Variants in ANGPT4 observed in about 807,000 individuals in gnomAD.
ANGPT4 encodes angiopoietin-4.
A neutral mutation model predicts 53.0 loss-of-function variants in ANGPT4; 50 were observed. The ratio of observed to expected loss-of-function variants is 0.94; its 90% confidence interval spans 0.75 to 1.20. The LOEUF (loss-of-function observed/expected upper bound fraction) is 1.20. Ranked by LOEUF, ANGPT4 falls within the 50% of genes most tolerant of loss-of-function variation. ANGPT4 has a pLI of 0.00. For synonymous variants in ANGPT4, 251 were observed against 259.7 expected, an observed-to-expected ratio of 0.97 and a Z score of 0.32; for missense variants, 648 against 637.1, an observed-to-expected ratio of 1.02 and a Z score of -0.18.
chr20:901,494 G>A (rs570849528), intron 1 of ANGPT4, among the ~76,000 whole-genome samples: 2 of 152,072 alleles, frequency 1.3e-5, no homozygotes, highest in African/African-American at 2.4e-5. Context: ...ATCTCCCTTT[G>A]CTGACTCCTT....
intron 1 of ANGPT4, among the ~76,000 whole-genome samples, chr20:901,782 G>T (rs895850983): frequency 5.3e-5 from 8 of 152,212 alleles, no homozygotes; most frequent in Non-Finnish European, 1.0e-4. Flanking sequence ...GAAGGTGGTG[G>T]TGCATGCCTC....
At chr20:912,808 G>C (rs1982757973) in intron 1 of ANGPT4, among the ~76,000 whole-genome samples, 2 of 152,164 alleles carry the variant, frequency 1.3e-5, no homozygotes, top group African/African-American at 4.8e-5. Context: ...TGGAAACTCT[G>C]CAGTAGAAGG....
chr20:896,128 A>T (rs1161593744), intron 1 of ANGPT4, among the ~76,000 whole-genome samples: 3 of 152,160 alleles, frequency 2.0e-5, no homozygotes, highest in Non-Finnish European at 2.9e-5. Flanking sequence ...CATTAAATAG[A>T]TCTCCTCCAG....
At chr20:902,971 A>T (rs1982342721) in intron 1 of ANGPT4, among the ~76,000 whole-genome samples, 1 of 152,214 alleles carries the variant, frequency 6.6e-6, no homozygotes, top group Non-Finnish European at 1.5e-5. Flanking sequence ...GAGGTCACCC[A>T]TCAAGTTGCA....
At chr20:878,397 G>T (rs1981259266) in intron 6 of ANGPT4, 70 bp from the exon 7 acceptor site, 1 of 1,469,354 alleles carries the variant, frequency 6.8e-7, no homozygotes. Context: ...GAGGAGCTGG[G>T]CTGGGCCAGG....
chr20:882,304 A>T (rs1359931185), intron 4 of ANGPT4, among the ~76,000 whole-genome samples: 2 of 152,154 alleles, frequency 1.3e-5, no homozygotes, highest in Non-Finnish European at 2.9e-5. Flanking sequence ...ATCCAGTTAG[A>T]GGTTTGAACT....
chr20:912,743 C>T (rs910960196), intron 1 of ANGPT4, among the ~76,000 whole-genome samples: 59 of 152,096 alleles, frequency 3.9e-4, no homozygotes, highest in African/African-American at 1.3e-3. Flanking sequence ...CTGATGAGCA[C>T]TGGCAGTAGG....
At position 913,564 on chromosome 20, in the gene ANGPT4, G is replaced by A. The variant is rs116237110; in HGVS notation, c.309+2342C>T. Among the ~76,000 whole-genome samples the A allele has an allele frequency of 4.6e-3, 700 of 152,282 alleles. 4 individuals are homozygous for A. Among genetic ancestry groups the A allele is most frequent in the African/African-American group, 0.016 (651 of 41,544 alleles). On this transcript the variant is annotated intron_variant, in intron 1 of 8. Coordinates refer to ENST00000381922, the MANE Select transcript of ANGPT4 (RefSeq NM_015985.4). ...AGAGGACATTCCACCCCAAGCTGAGGCACTGGACCAGGTGACCTTCTGATC... is the reference window on the plus strand; with the variant it reads ...AGAGGACATTCCACCCCAAGCTGAGACACTGGACCAGGTGACCTTCTGATC...
At chr20:878,450 G>A in intron 6 of ANGPT4, 123 bp from the exon 7 acceptor site, 1 of 963,266 alleles carries the variant, frequency 1.0e-6, no homozygotes, top group Non-Finnish European at 1.5e-6. Flanking sequence ...TAATGATCGA[G>A]TTCATAAGTA....
intron 7 of ANGPT4, among the ~76,000 whole-genome samples, chr20:877,543 G>A (rs1448273673): frequency 6.6e-6 from 1 of 152,148 alleles, no homozygotes; most frequent in African/African-American, 2.4e-5. Context: ...TCAAAGTGTT[G>A]TGGGGAAGAT....
rs762894257 is a variant in ANGPT4 at position 874,373 on chromosome 20, C to A, written c.1262G>T (p.Ser421Ile). 6.2e-7 allele frequency: 1 copy of A among 1,613,934 alleles called. No homozygotes were observed. The highest frequency in any genetic ancestry group is 1.3e-5 in the African/African-American group (1 of 74,928). The change falls in exon 8 of 9, where the codon AGC becomes ATC. Residue 421 changes from serine (S) to isoleucine (I), a missense_variant. Physicochemically the swap from Ser to Ile is moderately radical, Grantham distance 142 (BLOSUM62 -2). Transcript: ENST00000381922. ...GCTGGTGTTCTGCAGGACCAGGCTG[C>A]TCTGGCGCCCTGCTGAGCCGCTGTA... ...VGYSGSAGRQSSLVLQNTSFS... is the reference protein window; with the variant it reads ...VGYSGSAGRQISLVLQNTSFS...
chr20:873,920 T>A (rs1360209), intron 8 of ANGPT4, among the ~76,000 whole-genome samples: 2 of 152,064 alleles, frequency 1.3e-5, no homozygotes, highest in African/African-American at 4.8e-5. Context: ...ACAGCTGGTG[T>A]GGAGCTGCCC....
intron 4 of ANGPT4, among the ~76,000 whole-genome samples, chr20:882,196 C>A (rs1173162258): frequency 6.6e-6 from 1 of 152,176 alleles, no homozygotes; most frequent in Non-Finnish European, 1.5e-5. Flanking sequence ...GTATTAATGA[C>A]TAAAACCTAC....
chr20:888,371 C>T lies in ANGPT4; in HGVS notation c.534G>A (p.Glu178=), dbSNP rs772405627. ...PETFLSTNKL[E]NQLLLQRQKL... The stretch of plus-strand genomic sequence containing the variant: ...TCTGCCTCTGTAGCAGCAGCTGGTT[C>T]TCCAGCTTGTTGGTGGACAGAAAGG... The change falls in exon 3 of 9, where the codon GAG becomes GAA. Residue 178 remains glutamate, a synonymous_variant. Transcript: ENST00000381922. 1 of 1,613,914 alleles carries T rather than the reference C, an allele frequency of 6.2e-7. No individual in the cohort carries two copies. Among genetic ancestry groups the T allele is most frequent in the Admixed American group, 1.7e-5 (1 of 60,014 alleles).
chr20:886,996 A>G (rs1028029027), intron 3 of ANGPT4, among the ~76,000 whole-genome samples: 1 of 152,230 alleles, frequency 6.6e-6, no homozygotes, highest in African/African-American at 2.4e-5. Flanking sequence ...GACACATGAA[A>G]AGAGTTTGAA....
At chr20:902,285 G>A (rs1320968847) in intron 1 of ANGPT4, among the ~76,000 whole-genome samples, 2 of 151,982 alleles carry the variant, frequency 1.3e-5, no homozygotes, top group African/African-American at 4.8e-5. Flanking sequence ...CCTAACTGAT[G>A]TCCTGGACCC....
chr20:895,005 C>T (rs547255185), intron 1 of ANGPT4, among the ~76,000 whole-genome samples: 6 of 152,180 alleles, frequency 3.9e-5, no homozygotes, highest in Admixed American at 2.0e-4. Flanking sequence ...ACCCGCCCAC[C>T]AGCACAGGCC....
rs771662713 is a variant in ANGPT4, at chr20:879,710, A to G, written c.1053+37T>C. 8 of 1,580,370 alleles carry G rather than the reference A, an allele frequency of 5.1e-6. No individual in the cohort carries two copies. In the South Asian group the frequency reaches 5.6e-5, roughly 11 times the overall value. On this transcript the variant is annotated intron_variant, in intron 6 of 8. Coordinates refer to ENST00000381922, the MANE Select transcript of ANGPT4 (RefSeq NM_015985.4). ...CAGCCCAGCCCCAGCCCCAGGTTTCAGAGCAGAATGGCCCCTCCCCAAGGC... is the reference window on the plus strand; with the variant it reads ...CAGCCCAGCCCCAGCCCCAGGTTTCGGAGCAGAATGGCCCCTCCCCAAGGC...
At chr20:904,756 A>G (rs533525693) in intron 1 of ANGPT4, among the ~76,000 whole-genome samples, 3 of 152,228 alleles carry the variant, frequency 2.0e-5, no homozygotes, top group East Asian at 1.9e-4. Context: ...CCTCCCAAGT[A>G]TCTGGGACTA....
Sources: gnomAD v4.1 joint callset for allele counts (sites outside exome capture counted in the v4.1 genomes callset) on GRCh38, gnomAD v4.1.1 for gene constraint, MANE v1.5 for transcripts, NCBI Gene and HGNC (gene_info 2026-07-23, HGNC 2026-07-21) for gene names.